The following EPHB1 variants were observed in gnomAD, a reference collection of about 807,000 sequenced individuals.
EPHB1 encodes EPH receptor B1, also known as ephrin type-B receptor 1.
EPHB1 carries 30 observed loss-of-function variants against 94.4 expected under a neutral mutation model. That is an observed-to-expected ratio of 0.32 (90% CI 0.24 to 0.43). The LOEUF is 0.43. Among genes scored for constraint, EPHB1 ranks in the 20% least tolerant of loss-of-function variants. The pLI, the probability that EPHB1 is intolerant of heterozygous loss-of-function variation, is 1.00. For missense variants in EPHB1, 1,055 were observed against 1,308.3 expected (o/e 0.81, Z 2.99); for synonymous variants, 522 against 489.1 (o/e 1.07, Z -0.89).
At chr3:134,832,109 GAC>G (rs2108293745) in intron 1 of EPHB1, among the ~76,000 whole-genome samples, 1 of 152,318 alleles carries the variant, frequency 6.6e-6, no homozygotes, top group East Asian at 1.9e-4. Context: ...TATTGTGTGG[GAC>G]ACACATTGAC....
chr3:135,109,521 A>T (rs1455929856), intron 4 of EPHB1, among the ~76,000 whole-genome samples: 1 of 152,252 alleles, frequency 6.6e-6, no homozygotes, highest in African/African-American at 2.4e-5. Context: ...AAGTGTGAAG[A>T]TTGCAGCAGA....
intron 1 of EPHB1, among the ~76,000 whole-genome samples, chr3:134,797,021 T>C (rs2035843082): frequency 6.6e-6 from 1 of 152,232 alleles, no homozygotes. Flanking sequence ...TTCCGGGCCC[T>C]GAGGCGCGGC....
intron 10 of EPHB1, among the ~76,000 whole-genome samples, chr3:135,182,986 CTTTCTTTTCTTTTCTTTTCT>C (rs755058104): frequency 1.2e-4 from 13 of 110,632 alleles, no homozygotes; most frequent in Admixed American, 3.0e-4. Flanking sequence ...TTTTCTTTTG[CTTTCTTTTCTTTTCTTTTCT>C]TTTCTTTTCT....
intron 3 of EPHB1, 29 bp downstream of exon 3, chr3:134,952,081 C>T (rs887904637): frequency 6.4e-7 from 1 of 1,561,128 alleles, no homozygotes; most frequent in African/African-American, 1.4e-5. Context: ...GCTTCCTGCC[C>T]ATCTATGGCA....
At chr3:134,869,788 A>G (rs904038527) in intron 1 of EPHB1, among the ~76,000 whole-genome samples, 9 of 152,200 alleles carry the variant, frequency 5.9e-5, no homozygotes, top group Non-Finnish European at 1.3e-4. Context: ...TTTCCAAAGC[A>G]TTCAATTTAT....
chr3:134,882,822 C>CTTTCTTTCTTTCTTTCTTTCT (rs1192281785), intron 1 of EPHB1, among the ~76,000 whole-genome samples: 15 of 23,838 alleles, frequency 6.3e-4, no homozygotes, highest in Non-Finnish European at 1.8e-3. Context: ...TTCTTTCTTT[C>CTTTCTTTCTTTCTTTCTTTCT]TTTTCTTTCT....
At chr3:134,847,561 C>T (rs1390973183) in intron 1 of EPHB1, among the ~76,000 whole-genome samples, 1 of 152,210 alleles carries the variant, frequency 6.6e-6, no homozygotes, top group Non-Finnish European at 1.5e-5. Context: ...TTCCTGATTC[C>T]TAATCAGCCT....
chr3:134,884,364 T>C (rs928618884), intron 1 of EPHB1, among the ~76,000 whole-genome samples: 5 of 152,228 alleles, frequency 3.3e-5, no homozygotes, highest in African/African-American at 1.2e-4. Flanking sequence ...TTATTAAGCC[T>C]CAAAGAAGCC....
At chr3:135,059,264 T>G (rs1294910337) in intron 3 of EPHB1, among the ~76,000 whole-genome samples, 1 of 152,216 alleles carries the variant, frequency 6.6e-6, no homozygotes, top group Non-Finnish European at 1.5e-5. Flanking sequence ...CACAATTATT[T>G]ACTGCTTCAC....
At position 135,070,795 on chromosome 3, in the gene EPHB1, TA is replaced by T. The variant is rs1937680672; in HGVS notation, c.806-35650del. Among the ~76,000 whole-genome samples, 2 of 152,340 alleles carry T rather than the reference TA, an allele frequency of 1.3e-5. 1 individual carries two copies. Among genetic ancestry groups the T allele is most frequent in the South Asian group, 4.1e-4 (2 of 4,824 alleles). ...CAAATGTTTCATTGTTTTGCATTCC[TA>T]AAGTTAAGTGTTGAGAGTTATGTGA... On this transcript the variant is annotated intron_variant, in intron 3 of 15. Coordinates refer to ENST00000398015, the MANE Select transcript of EPHB1 (RefSeq NM_004441.5).
chr3:135,042,542 T>C (rs995812198), intron 3 of EPHB1, among the ~76,000 whole-genome samples: 5 of 152,228 alleles, frequency 3.3e-5, no homozygotes, highest in African/African-American at 4.8e-5. Flanking sequence ...TCCTATATTT[T>C]TATTTGCTAA....
intron 3 of EPHB1, among the ~76,000 whole-genome samples, chr3:135,029,720 A>G (rs1936348681): frequency 6.6e-6 from 1 of 151,032 alleles, no homozygotes; most frequent in Admixed American, 6.6e-5. Context: ...GCTCTTCTCG[A>G]GGAGTATCTT....
chr3:135,062,354 C>T (rs186647737), intron 3 of EPHB1, among the ~76,000 whole-genome samples: 2 of 152,226 alleles, frequency 1.3e-5, no homozygotes, highest in Admixed American at 1.3e-4. Context: ...CCAACATCTA[C>T]CATTTTTTAA....
At chr3:135,181,367 C>T (rs545003873) in intron 10 of EPHB1, among the ~76,000 whole-genome samples, 1 of 152,300 alleles carries the variant, frequency 6.6e-6, no homozygotes, top group Non-Finnish European at 1.5e-5. Context: ...TGTTGCTGAA[C>T]CACGACTTTC....
chr3:135,140,806 G>A (rs914977100), intron 5 of EPHB1, among the ~76,000 whole-genome samples: 22 of 152,176 alleles, frequency 1.4e-4, no homozygotes, highest in Admixed American at 1.2e-3. Context: ...TGCCAGCCCC[G>A]CGCCTATCAT....
chr3:134,821,484 G>A (rs1440589857), intron 1 of EPHB1, among the ~76,000 whole-genome samples: 1 of 151,832 alleles, frequency 6.6e-6, no homozygotes, highest in Non-Finnish European at 1.5e-5. Context: ...AAAGGAATTA[G>A]CCAGTAAAGT....
chr3:134,953,269 A>G (rs763168617), intron 3 of EPHB1, among the ~76,000 whole-genome samples: 2 of 152,190 alleles, frequency 1.3e-5, no homozygotes, highest in Admixed American at 6.5e-5. Context: ...CAGCTCTGCA[A>G]TCCTTTGGAC....
At chr3:135,001,268 A>G (rs978597491) in intron 3 of EPHB1, among the ~76,000 whole-genome samples, 1 of 152,146 alleles carries the variant, frequency 6.6e-6, no homozygotes, top group Non-Finnish European at 1.5e-5. Context: ...AAAAGAAGAA[A>G]TGGGGGATTG....
intron 1 of EPHB1, among the ~76,000 whole-genome samples, chr3:134,909,462 C>G (rs551593968): frequency 6.6e-6 from 1 of 152,208 alleles, no homozygotes; most frequent in Non-Finnish European, 1.5e-5. Flanking sequence ...GCCTCCGAAG[C>G]TTTTCAAGCC....
Sources: allele counts gnomAD v4.1 joint callset (sites outside exome capture counted in the v4.1 genomes callset), GRCh38; gene constraint gnomAD v4.1.1; transcripts MANE v1.5; gene names NCBI Gene and HGNC (gene_info 2026-07-23, HGNC 2026-07-21).